CFAP299: variants seen among roughly 807,000 people sequenced by gnomAD.
CFAP299 encodes cilia and flagella associated protein 299.
A neutral mutation model predicts 27.0 loss-of-function variants in CFAP299; 21 were observed. That is an observed-to-expected ratio of 0.78 (90% CI 0.55 to 1.12). The LOEUF (loss-of-function observed/expected upper bound fraction) is 1.12, where lower values mean the gene tolerates loss of function less well. Among genes scored for constraint, CFAP299 ranks in the 50% most tolerant of loss-of-function variants. The probability of loss-of-function intolerance (pLI) is 0.00; values close to 1 mark genes in which losing one functional copy is unlikely to be tolerated. For missense variants in CFAP299, 310 were observed against 276.6 expected (o/e 1.12, Z -0.86); for synonymous variants, 104 against 98.1 (o/e 1.06, Z -0.36).
chr4:80,424,688 C>T (rs1388428864), intron 2 of CFAP299, among the ~76,000 whole-genome samples: 1 of 152,114 alleles, frequency 6.6e-6, no homozygotes, highest in Non-Finnish European at 1.5e-5. Context: ...CAATAAAGAA[C>T]ATGAAGACAC....
chr4:80,861,836 T>C (rs1343204487), intron 3 of CFAP299, among the ~76,000 whole-genome samples: 1 of 152,178 alleles, frequency 6.6e-6, no homozygotes, highest in African/African-American at 2.4e-5. Flanking sequence ...CTTTTCTGTA[T>C]AAATATTTTG....
intron 4 of CFAP299, among the ~76,000 whole-genome samples, chr4:80,917,809 T>C (rs1160509312): frequency 1.3e-5 from 2 of 152,178 alleles, no homozygotes; most frequent in Non-Finnish European, 2.9e-5. Context: ...ATCTCACAAC[T>C]GTCTATTCTC....
intron 3 of CFAP299, among the ~76,000 whole-genome samples, chr4:80,610,808 C>G (rs977365441): frequency 2.6e-5 from 4 of 151,926 alleles, no homozygotes; most frequent in African/African-American, 9.7e-5. Context: ...TTGTTATCAG[C>G]CCTCCAACTT....
chr4:80,426,546 T>C (rs1727537611), intron 2 of CFAP299, among the ~76,000 whole-genome samples: 2 of 152,214 alleles, frequency 1.3e-5, no homozygotes, highest in Non-Finnish European at 2.9e-5. Context: ...AACTTGCCTG[T>C]TCATAAGAAT....
chr4:80,927,254 C>G (rs891014437), intron 4 of CFAP299, among the ~76,000 whole-genome samples: 5 of 152,110 alleles, frequency 3.3e-5, no homozygotes, highest in Non-Finnish European at 5.9e-5. Context: ...ATAATTATAA[C>G]TTATATTCCT....
In CFAP299 at chr4:80,681,909, A is replaced by C. The variant is rs879502144; in HGVS notation, c.333+98726A>C. 1.4e-4 allele frequency among the ~76,000 whole-genome samples: 22 copies of C among 152,296 alleles called. 1 individual carries two copies. Among genetic ancestry groups the C allele is most frequent in the Non-Finnish European group, 2.8e-4 (19 of 68,014 alleles). On this transcript the variant is annotated intron_variant, in intron 3 of 5. Transcript: ENST00000358105. Reference sequence around the variant, plus strand: ...CCCTTGAGAATTCAAGATCTAGAGCACTGTAACCCACCAGAAATCTCTAGA... The same window carrying C: ...CCCTTGAGAATTCAAGATCTAGAGCCCTGTAACCCACCAGAAATCTCTAGA...
At chr4:80,733,459 A>C (rs181925643) in intron 3 of CFAP299, among the ~76,000 whole-genome samples, 1 of 152,258 alleles carries the variant, frequency 6.6e-6, no homozygotes, top group East Asian at 1.9e-4. Context: ...TTTGTCGTAC[A>C]AACAATCCAA....
rs1369461396 is a variant in CFAP299 at position 80,799,878 on chromosome 4, T to A, written c.334-70115T>A. Among the ~76,000 whole-genome samples the A allele has an allele frequency of 7.3e-3, 285 of 38,962 alleles. 13 individuals carry two copies. The highest frequency in any genetic ancestry group is 0.018 in the African/African-American group (159 of 8,708). The allele number at this position is 38,962 out of a possible 152,430, so 25.6% of individuals were successfully genotyped here. A position where few individuals can be genotyped will look rare whatever the true frequency, so the allele number is the denominator to read the frequency against. On this transcript the variant is annotated intron_variant, in intron 3 of 5. Transcript: ENST00000358105. The stretch of plus-strand genomic sequence containing the variant: ...ATAAATATATATTATATATATTATA[T>A]TATATAATATATAAATTATATATTA...
At chr4:80,394,405 G>GT (rs749367759) in intron 2 of CFAP299, among the ~76,000 whole-genome samples, 1,644 of 140,900 alleles carry the variant, frequency 0.012, 18 homozygotes, top group East Asian at 0.049. Flanking sequence ...GCTGTACACA[G>GT]TTTTTTTTTT....
intron 3 of CFAP299, among the ~76,000 whole-genome samples, chr4:80,848,686 G>A (rs1299341259): frequency 6.6e-6 from 1 of 152,102 alleles, no homozygotes; most frequent in African/African-American, 2.4e-5. Context: ...CTGAGACGGA[G>A]GATCAGTTGA....
At chr4:80,896,587 A>G (rs1445824755) in intron 4 of CFAP299, among the ~76,000 whole-genome samples, 1 of 152,150 alleles carries the variant, frequency 6.6e-6, no homozygotes, top group Non-Finnish European at 1.5e-5. Context: ...CAAAAAGAAG[A>G]TAAATGGAGT....
intron 2 of CFAP299, among the ~76,000 whole-genome samples, chr4:80,522,543 G>A: frequency 6.6e-6 from 1 of 151,938 alleles, no homozygotes; most frequent in East Asian, 1.9e-4. Flanking sequence ...TTCATTGCCT[G>A]TGTTTTGGTG....
chr4:80,612,306 G>C (rs1351046310), intron 3 of CFAP299, among the ~76,000 whole-genome samples: 2 of 151,832 alleles, frequency 1.3e-5, no homozygotes, highest in Non-Finnish European at 2.9e-5. Context: ...TCAGTGAGAG[G>C]GATAGATTGC....
chr4:80,436,441 G>C (rs192962745), intron 2 of CFAP299, among the ~76,000 whole-genome samples: 11 of 151,988 alleles, frequency 7.2e-5, no homozygotes, highest in Non-Finnish European at 1.6e-4. Flanking sequence ...TGGGACTACC[G>C]GCACCCATCA....
intron 2 of CFAP299, among the ~76,000 whole-genome samples, chr4:80,528,363 TTAC>T (rs1409863834): frequency 6.6e-6 from 1 of 152,168 alleles, no homozygotes; most frequent in Non-Finnish European, 1.5e-5. Context: ...CCTCTAGCTC[TTAC>T]TGATCATATT....
rs1436836261 is a variant in CFAP299, at chr4:80,941,334, G to A, written c.477-3476G>A. 4.6e-5 allele frequency among the ~76,000 whole-genome samples: 7 copies of A among 152,066 alleles called. No individual in the cohort carries two copies. In the South Asian group the frequency reaches 8.3e-4, roughly 18 times the overall value. ...TGCTCAGAGAGAATTCACACTACCA[G>A]AAATTTGCCATGGATCTCAGTTTAA... On this transcript the variant is annotated intron_variant, in intron 4 of 5. Transcript: ENST00000358105.
chr4:80,758,431 T>C (rs1439543027), intron 3 of CFAP299, among the ~76,000 whole-genome samples: 2 of 152,124 alleles, frequency 1.3e-5, no homozygotes, highest in African/African-American at 4.8e-5. Flanking sequence ...AGTCTGGGAT[T>C]TTATGGGCAT....
chr4:80,449,632 TA>T (rs1036643644), intron 2 of CFAP299, among the ~76,000 whole-genome samples: 3 of 151,762 alleles, frequency 2.0e-5, no homozygotes. Flanking sequence ...GTTATATTTA[TA>T]TTTTCTCAGT....
intron 3 of CFAP299, among the ~76,000 whole-genome samples, chr4:80,717,210 G>A (rs988854302): frequency 6.6e-6 from 1 of 152,058 alleles, no homozygotes; most frequent in Non-Finnish European, 1.5e-5. Flanking sequence ...GGTAAACTAA[G>A]GTGGGGTGGT....
Sources: allele counts gnomAD v4.1 joint callset (sites outside exome capture counted in the v4.1 genomes callset), GRCh38; gene constraint gnomAD v4.1.1; transcripts MANE v1.5; gene names NCBI Gene and HGNC (gene_info 2026-07-23, HGNC 2026-07-21).